Variants in FSTL5 observed in about 807,000 individuals in gnomAD.
FSTL5 encodes follistatin-related protein 5.
FSTL5 carries 62 observed loss-of-function variants against 89.1 expected under a neutral mutation model. The observed-to-expected ratio is 0.70, with a 90% CI of 0.57 to 0.86. The LOEUF is 0.86. Ranked by LOEUF, FSTL5 falls within the 40% of genes least tolerant of loss-of-function variation. FSTL5 has a pLI of 0.00. For missense variants in FSTL5, 1,057 were observed against 1,001.6 expected (o/e 1.06, Z -0.75); for synonymous variants, 383 against 346.2 (o/e 1.11, Z -1.18).
At chr4:161,779,549 C>A (rs1050949735) in intron 4 of FSTL5, among the ~76,000 whole-genome samples, 1 of 151,302 alleles carries the variant, frequency 6.6e-6, no homozygotes, top group Non-Finnish European at 1.5e-5. Flanking sequence ...AGATGAGGAA[C>A]TAAGGCACAG....
intron 4 of FSTL5, among the ~76,000 whole-genome samples, chr4:161,869,128 A>C (rs902856881): frequency 1.3e-5 from 2 of 151,188 alleles, no homozygotes; most frequent in Non-Finnish European, 3.0e-5. Flanking sequence ...TGAACCCAAG[A>C]GGCGGAGGTT....
At chr4:161,964,662 T>A (rs1258136430) in intron 3 of FSTL5, among the ~76,000 whole-genome samples, 1 of 152,128 alleles carries the variant, frequency 6.6e-6, no homozygotes, top group East Asian at 1.9e-4. Flanking sequence ...TGTTCTTTCA[T>A]GAAAACAGGT....
At chr4:162,027,712 T>C (rs1431289219) in intron 3 of FSTL5, among the ~76,000 whole-genome samples, 1 of 152,116 alleles carries the variant, frequency 6.6e-6, no homozygotes, top group Non-Finnish European at 1.5e-5. Flanking sequence ...GCATTTGTAT[T>C]GTTAAGTCAA....
chr4:161,441,898 C>T (rs1235870870), intron 15 of FSTL5, among the ~76,000 whole-genome samples: 1 of 152,094 alleles, frequency 6.6e-6, no homozygotes, highest in Non-Finnish European at 1.5e-5. Context: ...TGACCTTTTG[C>T]AAACATAAGC....
chr4:162,126,981 C>T (rs1007630365), intron 1 of FSTL5, among the ~76,000 whole-genome samples: 3 of 152,134 alleles, frequency 2.0e-5, no homozygotes, highest in African/African-American at 7.2e-5. Flanking sequence ...TAGTGGTCAG[C>T]TTGCCTGACT....
chr4:161,748,704 G>A (rs957453766), intron 6 of FSTL5, among the ~76,000 whole-genome samples: 1 of 147,296 alleles, frequency 6.8e-6, no homozygotes, highest in African/African-American at 2.5e-5. Context: ...AAAGACATGA[G>A]TCATTAGTTA....
chr4:162,100,688 A>G (rs1457789891), intron 2 of FSTL5, among the ~76,000 whole-genome samples: 1 of 152,184 alleles, frequency 6.6e-6, no homozygotes, highest in Non-Finnish European at 1.5e-5. Flanking sequence ...TGTATATTCA[A>G]TGTAGATTTA....
chr4:162,019,534 A>G (rs1321937898), intron 3 of FSTL5, among the ~76,000 whole-genome samples: 1 of 152,074 alleles, frequency 6.6e-6, no homozygotes, highest in East Asian at 1.9e-4. Context: ...ACTTAGAAAT[A>G]TCCTATATAA....
intron 2 of FSTL5, among the ~76,000 whole-genome samples, chr4:162,052,440 C>T (rs185549316): frequency 3.4e-4 from 52 of 151,762 alleles, no homozygotes; most frequent in Non-Finnish European, 5.9e-4. Context: ...TATTATAATA[C>T]TTTTCAAGAA....
intron 8 of FSTL5, among the ~76,000 whole-genome samples, chr4:161,566,534 T>G (rs775705503): frequency 6.6e-6 from 1 of 150,784 alleles, no homozygotes; most frequent in Non-Finnish European, 1.5e-5. Context: ...ATCGCCAAAC[T>G]GTTCTCCACA....
At chr4:161,609,058 A>C (rs559120738) in intron 7 of FSTL5, among the ~76,000 whole-genome samples, 2 of 151,830 alleles carry the variant, frequency 1.3e-5, no homozygotes, top group East Asian at 3.9e-4. Flanking sequence ...ATTAACTTAC[A>C]TTTTGTGTGA....
chr4:161,579,728 A>G (rs1246152775), intron 8 of FSTL5, among the ~76,000 whole-genome samples: 2 of 35,252 alleles, frequency 5.7e-5, no homozygotes, highest in African/African-American at 8.6e-5. Context: ...AAACAAAAAC[A>G]AACAAAAAAA....
chr4:161,727,313 T>C (rs747652178), intron 6 of FSTL5, among the ~76,000 whole-genome samples: 40 of 152,182 alleles, frequency 2.6e-4, no homozygotes, highest in Admixed American at 4.6e-4. Context: ...ATGATTTGAA[T>C]TGTTGTTAGT....
chr4:161,763,517 T>C (rs1041648646), intron 5 of FSTL5, among the ~76,000 whole-genome samples: 2 of 152,166 alleles, frequency 1.3e-5, no homozygotes, highest in African/African-American at 4.8e-5. Context: ...AGGCAAGTCA[T>C]GGCTATGAAG....
intron 13 of FSTL5, among the ~76,000 whole-genome samples, chr4:161,463,468 A>G (rs1280930473): frequency 6.6e-6 from 1 of 152,242 alleles, no homozygotes; most frequent in Non-Finnish European, 1.5e-5. Flanking sequence ...AGAATCATAT[A>G]TTAATGATAA....
intron 1 of FSTL5, among the ~76,000 whole-genome samples, chr4:162,153,759 T>TACATATATATGTATACATATATATGTATA (rs1554004008): frequency 0.01 from 1,046 of 100,096 alleles, 29 homozygotes; most frequent in African/African-American, 0.033. Context: ...TACATGTATA[T>TACATATATATGTATACATATATATGTATA]ATACATGTAT....
intron 11 of FSTL5, among the ~76,000 whole-genome samples, chr4:161,506,441 C>T (rs1194691787): frequency 6.6e-6 from 1 of 151,804 alleles, no homozygotes; most frequent in African/African-American, 2.4e-5. Flanking sequence ...TGTTTATTTC[C>T]GTAAGTTTTT....
intron 4 of FSTL5, among the ~76,000 whole-genome samples, chr4:161,803,233 C>T (rs150019370): frequency 3.5e-4 from 53 of 151,946 alleles, no homozygotes; most frequent in East Asian, 9.6e-4. Context: ...GTTCATGCTA[C>T]GACTATATCT....
chr4:161,597,090 C>T (rs940923919), intron 7 of FSTL5, among the ~76,000 whole-genome samples: 10 of 152,210 alleles, frequency 6.6e-5, no homozygotes, highest in African/African-American at 2.4e-4. Context: ...GTGTTTTAGA[C>T]ATGAAGTCCT....
Sources: gnomAD v4.1 joint callset for allele counts (sites outside exome capture counted in the v4.1 genomes callset) on GRCh38, gnomAD v4.1.1 for gene constraint, MANE v1.5 for transcripts, NCBI Gene and HGNC (gene_info 2026-07-23, HGNC 2026-07-21) for gene names.